ZC3H11A: variants seen among roughly 807,000 people sequenced by gnomAD.
ZC3H11A encodes the protein zinc finger CCCH domain-containing protein 11A.
Under a neutral mutation model 90.8 loss-of-function variants are expected in ZC3H11A, and 22 were observed. The observed-to-expected ratio is 0.24, with a 90% CI of 0.17 to 0.35. The LOEUF (loss-of-function observed/expected upper bound fraction) is 0.35. Among genes scored for constraint, ZC3H11A ranks in the 10% least tolerant of loss-of-function variants. ZC3H11A has a pLI of 1.00. For missense variants in ZC3H11A, 701 were observed against 964.9 expected (o/e 0.73, Z 3.62); for synonymous variants, 294 against 339.8 (o/e 0.87, Z 1.48).
At chr1:203,810,734 C>T (rs1313773473) in intron 2 of ZC3H11A, among the ~76,000 whole-genome samples, 6 of 152,106 alleles carry the variant, frequency 3.9e-5, no homozygotes, top group South Asian at 4.2e-4. Context: ...TTAGATCTGA[C>T]GAAGGAGTTT....
intron 1 of ZC3H11A, chr1:203,796,579 T>A: frequency 2.5e-6 from 1 of 397,880 alleles, no homozygotes; most frequent in East Asian, 3.6e-5. Context: ...GCTGTGGAAC[T>A]AGAGATAGCG....
At chr1:203,849,457 G>C (rs1285589157) in intron 14 of ZC3H11A, among the ~76,000 whole-genome samples, 3 of 152,126 alleles carry the variant, frequency 2.0e-5, no homozygotes, top group African/African-American at 7.2e-5. Context: ...GATTATTTAG[G>C]AATCATTAGT....
chr1:203,810,856 G>T (rs923241921), intron 2 of ZC3H11A, among the ~76,000 whole-genome samples: 1 of 151,796 alleles, frequency 6.6e-6, no homozygotes, highest in African/African-American at 2.4e-5. Context: ...TTAGTTGTGG[G>T]CCAGACGCTC....
intron 12 of ZC3H11A, among the ~76,000 whole-genome samples, chr1:203,843,392 G>C (rs1213443707): frequency 6.6e-6 from 1 of 152,104 alleles, no homozygotes; most frequent in Admixed American, 6.5e-5. Flanking sequence ...TGTGAAATTT[G>C]TATTAGATAG....
intron 2 of ZC3H11A, among the ~76,000 whole-genome samples, chr1:203,813,804 T>A (rs183633064): frequency 6.2e-4 from 95 of 152,200 alleles, no homozygotes; most frequent in Middle Eastern, 3.4e-3. Context: ...CATGGTCATC[T>A]TCTCCTTGTG....
chr1:203,840,333 G>A lies in ZC3H11A; in HGVS notation c.1001G>A (p.Arg334Gln), dbSNP rs370224196. 64 of 1,612,814 alleles carry A rather than the reference G, an allele frequency of 4.0e-5. No homozygotes were observed. Among genetic ancestry groups the A allele is most frequent in the Non-Finnish European group, 4.9e-5 (58 of 1,179,306 alleles). The change falls in exon 12 of 18, where the codon CGA (arginine) becomes CAA (glutamine). Residue 334 changes from arginine (R) to glutamine (Q), a missense_variant. Coordinates refer to ENST00000367210, the MANE Select transcript of ZC3H11A (RefSeq NM_001376342.1). ...CAAGTTTCCAAGTCTCTTAAGGAGC[G>A]ATTAGGCATGTCAGCTGATCCAGAT... The part of the protein sequence containing the change: ...KAQVSKSLKE[R>Q]LGMSADPDNE...
chr1:203,840,924 G>A (rs1025808954), intron 12 of ZC3H11A, among the ~76,000 whole-genome samples: 30 of 152,114 alleles, frequency 2.0e-4, no homozygotes, highest in African/African-American at 6.7e-4. Flanking sequence ...ACGAGCCACC[G>A]CACCCGGCTA....
chr1:203,846,115 C>CA (rs34793133), intron 12 of ZC3H11A, among the ~76,000 whole-genome samples: 1,402 of 52,520 alleles, frequency 0.027, 19 homozygotes, highest in East Asian at 0.14. Flanking sequence ...TCGTCTTTAC[C>CA]AAAAAAAAAA....
chr1:203,827,722 A>C (rs1051342728), intron 4 of ZC3H11A, among the ~76,000 whole-genome samples: 1 of 151,976 alleles, frequency 6.6e-6, no homozygotes, highest in African/African-American at 2.4e-5. Flanking sequence ...AAGGATACCT[A>C]ACATCCTTAG....
chr1:203,817,500 C>A (rs546038524), intron 3 of ZC3H11A, among the ~76,000 whole-genome samples: 2 of 151,012 alleles, frequency 1.3e-5, no homozygotes, highest in African/African-American at 4.8e-5. Flanking sequence ...TTGTGTTGTA[C>A]TTCCAGAAAC....
chr1:203,840,533 A>G (rs1269429268), intron 12 of ZC3H11A, among the ~76,000 whole-genome samples, 159 bp downstream of exon 12: 1 of 152,122 alleles, frequency 6.6e-6, no homozygotes, highest in East Asian at 1.9e-4. Flanking sequence ...GCTCAGACTC[A>G]ACTGGGATCA....
At chr1:203,806,608 C>T (rs1298960226) in intron 2 of ZC3H11A, among the ~76,000 whole-genome samples, 1 of 152,054 alleles carries the variant, frequency 6.6e-6, no homozygotes, top group Non-Finnish European at 1.5e-5. Context: ...CGGCCTAACA[C>T]CTTTTTTTCT....
chr1:203,798,537 A>G (rs1294098274), intron 1 of ZC3H11A: 1 of 1,536,010 alleles, frequency 6.5e-7, no homozygotes, highest in African/African-American at 1.4e-5. Context: ...TGAGACTGAG[A>G]GAAGTGATCT....
In ZC3H11A at chr1:203,797,616, C is replaced by T. The variant is rs1363053083; in HGVS notation, c.-1588+1822C>T. The T allele has an allele frequency of 2.0e-6, 3 of 1,535,508 alleles. No individual in the cohort carries two copies. The South Asian group carries it at 3.6e-5, about 18-fold the overall frequency. On this transcript the variant is annotated intron_variant, in intron 1 of 17. Transcript: ENST00000367210. ...TGATTCTGGGATTCTGGGATGTGTT[C>T]CTATTAATTCTAATACAGATGAAGA...
chr1:203,847,740 G>T, intron 13 of ZC3H11A, 53 bp downstream of exon 13: 1 of 1,568,916 alleles, frequency 6.4e-7, no homozygotes, highest in Non-Finnish European at 8.6e-7. Flanking sequence ...TATTCCAGAG[G>T]AGTGTTCCGT....
rs749300340 is a variant in ZC3H11A at position 203,818,563 on chromosome 1, T to C, written c.55-7T>C. ...CTACAAATAGAGTGTTCTCTATTTGTTTACAGGGTGACAGCTGCCCATTCC... is the reference window on the plus strand; with the variant it reads ...CTACAAATAGAGTGTTCTCTATTTGCTTACAGGGTGACAGCTGCCCATTCC... On this transcript the variant is annotated splice_polypyrimidine_tract_variant and splice_region_variant and intron_variant, in intron 3 of 17. Transcript: ENST00000367210. 2 of 1,613,982 alleles carry C rather than the reference T, an allele frequency of 1.2e-6. No homozygotes were observed. Among genetic ancestry groups the C allele is most frequent in the Non-Finnish European group, 1.7e-6 (2 of 1,179,930 alleles).
At chr1:203,831,094 G>A (rs1034805281) in intron 8 of ZC3H11A, among the ~76,000 whole-genome samples, 22 of 151,644 alleles carry the variant, frequency 1.5e-4, no homozygotes, top group East Asian at 3.9e-4. Flanking sequence ...ACAGGCATGC[G>A]CCACCACGCC....
chr1:203,798,654 A>G lies in ZC3H11A; in HGVS notation c.-1588+2860A>G, dbSNP rs527242325. 4 of 1,536,152 alleles carry G rather than the reference A, an allele frequency of 2.6e-6. No individual in the cohort carries two copies. The Admixed American group carries it at 5.9e-5, about 23-fold the overall frequency. Reference sequence around the variant, plus strand: ...TGAACCTATGTTAGAGGTTGAAAACAGATCTGAAAGTCCTATTCCCGTTGC... The same window carrying G: ...TGAACCTATGTTAGAGGTTGAAAACGGATCTGAAAGTCCTATTCCCGTTGC... On this transcript the variant is annotated intron_variant, in intron 1 of 17. Transcript: ENST00000367210.
chr1:203,798,581 A>G, intron 1 of ZC3H11A: 1 of 1,536,164 alleles, frequency 6.5e-7, no homozygotes, highest in Non-Finnish European at 8.7e-7. Flanking sequence ...AAAAGTCTAC[A>G]GGCAGCCAAG....
Sources: gnomAD v4.1 joint callset for allele counts (sites outside exome capture counted in the v4.1 genomes callset) on GRCh38, gnomAD v4.1.1 for gene constraint, MANE v1.5 for transcripts, NCBI Gene and HGNC (gene_info 2026-07-23, HGNC 2026-07-21) for gene names.